The following HPN variants were observed in gnomAD, a reference collection of about 807,000 sequenced individuals.
The protein encoded by HPN is serine protease hepsin.
Under a neutral mutation model 55.9 loss-of-function variants are expected in HPN, and 13 were observed. The ratio of observed to expected loss-of-function variants is 0.23; its 90% CI spans 0.15 to 0.37. The LOEUF (loss-of-function observed/expected upper bound fraction) is 0.37, where lower values mean the gene tolerates loss of function less well. HPN is among the 10% of genes least tolerant of loss of function. The pLI, the probability that HPN is intolerant of heterozygous loss-of-function variation, is 1.00. For synonymous variants in HPN, 225 were observed against 240.3 expected (o/e 0.94, Z 0.59); for missense variants, 451 against 575.8 (o/e 0.78, Z 2.22).
Position 35,066,112 on chromosome 19 carries a change from A to G in HPN, c.1215+80A>G, listed in dbSNP as rs1285991472. The G allele has an allele frequency of 5.0e-6, 8 of 1,612,062 alleles. 1 individual carries two copies. The South Asian group carries it at 8.8e-5, about 18-fold the overall frequency. On this transcript the variant is annotated intron_variant, in intron 12 of 12. Transcript: ENST00000672452. ...GGGAAGGGAGGCAGAGATTTGTTTTAGGAAACCTACGCTCAGGCCTAGAAG... is the reference window on the plus strand; with the variant it reads ...GGGAAGGGAGGCAGAGATTTGTTTTGGGAAACCTACGCTCAGGCCTAGAAG...
At chr19:35,045,549 G>A (rs1335444011) in intron 2 of HPN, among the ~76,000 whole-genome samples, 1 of 152,154 alleles carries the variant, frequency 6.6e-6, no homozygotes, top group Non-Finnish European at 1.5e-5. Context: ...GCCTGGAGAA[G>A]CAGGGGCAGA....
rs1212077116 is a variant in HPN, at chr19:35,066,319, C to A, written c.*32C>A. ...GCTTCTCGCTGCGCAGCCTCCAGGG[C>A]CCGAGGTGATCCCGGTGGTGGGATC... On this transcript the variant is annotated 3_prime_UTR_variant, in exon 13 of 13. Coordinates refer to ENST00000672452, the MANE Select transcript of HPN (RefSeq NM_001384133.1). 1 of 1,597,840 alleles carries A rather than the reference C, an allele frequency of 6.3e-7. No homozygotes were observed. The highest frequency in any genetic ancestry group is 1.3e-5 in the African/African-American group (1 of 74,414).
intron 4 of HPN, among the ~76,000 whole-genome samples, chr19:35,058,242 C>T (rs191423080): frequency 3.2e-4 from 48 of 150,750 alleles, no homozygotes; most frequent in African/African-American, 8.9e-4. Context: ...TGCAGTGGCA[C>T]GATCTTGGCT....
intron 9 of HPN, among the ~76,000 whole-genome samples, chr19:35,063,958 T>G (rs537987543): frequency 6.6e-6 from 1 of 152,368 alleles, no homozygotes; most frequent in African/African-American, 2.4e-5. Flanking sequence ...TGCCAGCACA[T>G]AGTGAACACT....
chr19:35,042,537 C>A lies in HPN; in HGVS notation c.16+15C>A. On this transcript the variant is annotated intron_variant, in intron 2 of 12. Transcript: ENST00000672452. Reference sequence around the variant, plus strand: ...GCAGAAGGAGGGTGAGTCCCCTTCCCTGAGCCCCAGCTTTGGCTCTGCCTG... The same window carrying A: ...GCAGAAGGAGGGTGAGTCCCCTTCCATGAGCCCCAGCTTTGGCTCTGCCTG... The A allele has an allele frequency of 6.2e-7, 1 of 1,604,638 alleles. No homozygotes were observed. The highest frequency in any genetic ancestry group is 2.2e-5 in the East Asian group (1 of 44,626).
chr19:35,053,949 C>G (rs1568359047), intron 4 of HPN, among the ~76,000 whole-genome samples: 1 of 152,102 alleles, frequency 6.6e-6, no homozygotes, highest in Non-Finnish European at 1.5e-5. Context: ...TCAGTGCCAG[C>G]CGTAGCTGAA....
At chr19:35,052,998 A>G (rs2064420006) in intron 4 of HPN, among the ~76,000 whole-genome samples, 1 of 152,182 alleles carries the variant, frequency 6.6e-6, no homozygotes, top group South Asian at 2.1e-4. Context: ...ACAAACAAAC[A>G]AAAACAACCC....
rs1435448375 is a variant in HPN at position 35,054,376 on chromosome 19, C to T, written c.160+4860C>T. Among the ~76,000 whole-genome samples the T allele has an allele frequency of 2.0e-5, 3 of 151,392 alleles. No individual in the cohort carries two copies. The East Asian group carries it at 5.8e-4, about 29-fold the overall frequency. ...GAGGTTGCAGTGAGCCGAGATCATG[C>T]CACTGCACTCCAGCCTGAGCAACAG... is the stretch of plus-strand genomic sequence containing the variant. On this transcript the variant is annotated intron_variant, in intron 4 of 12. Coordinates refer to ENST00000672452, the MANE Select transcript of HPN (RefSeq NM_001384133.1).
In HPN at chr19:35,066,447, C is replaced by A; in HGVS notation, c.*160C>A. 1.1e-6 allele frequency: 1 copy of A among 943,728 alleles called. No homozygotes were observed. The highest frequency in any genetic ancestry group is 1.6e-6 in the Non-Finnish European group (1 of 640,006). 58.5% of individuals were successfully genotyped at this position (943,728 alleles called of 1,614,324 possible). On this transcript the variant is annotated 3_prime_UTR_variant, in exon 13 of 13. Coordinates refer to ENST00000672452, the MANE Select transcript of HPN (RefSeq NM_001384133.1). The stretch of plus-strand genomic sequence containing the variant: ...TCTCTTCCACAGTGGCGGGCCCACT[C>A]AGCCCCGAGACCACCCAACCTCACC...
chr19:35,054,760 C>T (rs765256073), intron 4 of HPN, among the ~76,000 whole-genome samples: 4 of 152,146 alleles, frequency 2.6e-5, no homozygotes, highest in Non-Finnish European at 5.9e-5. Flanking sequence ...TTCGTGGCTC[C>T]TGGGGTGTGC....
intron 4 of HPN, among the ~76,000 whole-genome samples, chr19:35,050,267 C>T (rs2064390099): frequency 6.6e-6 from 1 of 152,278 alleles, no homozygotes; most frequent in Non-Finnish European, 1.5e-5. Flanking sequence ...GGAATACAGG[C>T]GTGTGCCACC....
intron 4 of HPN, among the ~76,000 whole-genome samples, chr19:35,056,012 C>T (rs1286173878): frequency 6.6e-6 from 1 of 152,154 alleles, no homozygotes; most frequent in African/African-American, 2.4e-5. Flanking sequence ...TCTGCTCTGG[C>T]CTCCCACTGT....
intron 2 of HPN, among the ~76,000 whole-genome samples, chr19:35,048,747 A>G (rs1462017450): frequency 1.3e-5 from 2 of 152,144 alleles, no homozygotes; most frequent in Admixed American, 1.3e-4. Context: ...TAATACATAA[A>G]ATAAAATGAG....
At chr19:35,064,244 C>G (rs902394768) in intron 9 of HPN, among the ~76,000 whole-genome samples, 1 of 152,188 alleles carries the variant, frequency 6.6e-6, no homozygotes, top group African/African-American at 2.4e-5. Flanking sequence ...AGGGTTACCA[C>G]TCTCTCTGTA....
chr19:35,044,517 C>T (rs1354250895), intron 2 of HPN, among the ~76,000 whole-genome samples: 1 of 152,188 alleles, frequency 6.6e-6, no homozygotes, highest in East Asian at 1.9e-4. Context: ...CAATTCCTTG[C>T]AGTACCAGGT....
At chr19:35,048,025 AG>A (rs1349745354) in intron 2 of HPN, among the ~76,000 whole-genome samples, 7 of 62,210 alleles carry the variant, frequency 1.1e-4, no homozygotes, top group East Asian at 1.4e-3. Flanking sequence ...AGAGAGAGAG[AG>A]AAAAAGAAAG....
intron 2 of HPN, among the ~76,000 whole-genome samples, chr19:35,047,949 C>T (rs553410644): frequency 2.7e-5 from 4 of 148,264 alleles, no homozygotes; most frequent in African/African-American, 7.5e-5. Flanking sequence ...ATGATCGCGC[C>T]GCTGCACTCC....
chr19:35,055,431 AG>A (rs2151761228), intron 4 of HPN, among the ~76,000 whole-genome samples: 2 of 151,940 alleles, frequency 1.3e-5, no homozygotes, highest in South Asian at 4.2e-4. Flanking sequence ...GGAGAAGGAA[AG>A]GAAAGGACAA....
chr19:35,052,071 C>T (rs2064411053), intron 4 of HPN, among the ~76,000 whole-genome samples: 1 of 152,192 alleles, frequency 6.6e-6, no homozygotes, highest in Admixed American at 6.5e-5. Context: ...TCTCTACTCA[C>T]CCACTTCTTT....
Sources: allele counts gnomAD v4.1 joint callset (sites outside exome capture counted in the v4.1 genomes callset), GRCh38; gene constraint gnomAD v4.1.1; transcripts MANE v1.5; gene names NCBI Gene and HGNC (gene_info 2026-07-23, HGNC 2026-07-21).